Variants in SLC44A5 observed in about 807,000 individuals in gnomAD.
The protein encoded by SLC44A5 is solute carrier family 44 member 5, also known as choline transporter-like protein 5.
A neutral mutation model predicts 101.8 loss-of-function variants in SLC44A5; 57 were observed. The observed-to-expected ratio is 0.56, with a 90% CI of 0.45 to 0.70. The LOEUF is 0.70. Ranked by LOEUF, SLC44A5 falls within the 30% of genes least tolerant of loss-of-function variation. The probability of loss-of-function intolerance (pLI) is 0.00; values close to 1 mark genes in which losing one functional copy is unlikely to be tolerated. For synonymous variants in SLC44A5, 281 were observed against 290.9 expected, an observed-to-expected ratio of 0.97 and a Z score of 0.35; for missense variants, 737 against 853.1, an observed-to-expected ratio of 0.86 and a Z score of 1.70.
At chr1:75,462,375 C>T (rs943933395) in intron 2 of SLC44A5, among the ~76,000 whole-genome samples, 5 of 152,086 alleles carry the variant, frequency 3.3e-5, no homozygotes, top group African/African-American at 9.7e-5. Flanking sequence ...ACAACACTTA[C>T]GTCTTTTAGA....
intron 3 of SLC44A5, among the ~76,000 whole-genome samples, chr1:75,341,543 G>A (rs903674776): frequency 1.3e-5 from 2 of 151,668 alleles, no homozygotes; most frequent in Admixed American, 6.6e-5. Flanking sequence ...AAGAAGGAAC[G>A]AGAGAGAAGA....
At chr1:75,689,040 A>C in the SLC44A5 span, among the ~76,000 whole-genome samples, 1 of 152,108 alleles carries the variant, frequency 6.6e-6, no homozygotes, top group Non-Finnish European at 1.5e-5. Flanking sequence ...ATTCCTTTGC[A>C]CCCTGACTCT....
intron 1 of SLC44A5, among the ~76,000 whole-genome samples, chr1:75,580,350 T>C (rs1487903829): frequency 6.6e-6 from 1 of 152,212 alleles, no homozygotes. Flanking sequence ...CCCATATGAC[T>C]AGCTCTAAAA....
In SLC44A5 at chr1:75,604,106, G is replaced by A. The variant is rs564381571; in HGVS notation, c.-70+6934C>T. Among the ~76,000 whole-genome samples the A allele has an allele frequency of 1.2e-4, 19 of 152,102 alleles. No individual in the cohort carries two copies. In the South Asian group the frequency reaches 3.7e-3, roughly 30 times the overall value. ...TTTCCCAAAGTCAATGTCCAGAATG[G>A]TGTTTCCTATGTTTTCTTCTAAGAT... On this transcript the variant is annotated intron_variant, in intron 1 of 23. Transcript: ENST00000370859.
intron 2 of SLC44A5, among the ~76,000 whole-genome samples, chr1:75,398,092 T>C (rs1200363218): frequency 6.6e-6 from 1 of 152,152 alleles, no homozygotes; most frequent in Non-Finnish European, 1.5e-5. Context: ...ATGAATAAAA[T>C]GTCAAGATAC....
upstream of SLC44A5, among the ~76,000 whole-genome samples, chr1:75,612,847 C>T (rs772363958): frequency 1.8e-4 from 28 of 152,092 alleles, no homozygotes; most frequent in Non-Finnish European, 2.1e-4. Flanking sequence ...TGATTATAAC[C>T]AATGTAACCA....
intron 3 of SLC44A5, among the ~76,000 whole-genome samples, chr1:75,388,479 G>A (rs557546289): frequency 6.6e-6 from 1 of 152,124 alleles, no homozygotes; most frequent in Non-Finnish European, 1.5e-5. Flanking sequence ...CATCACAACA[G>A]GATCAAAACC....
chr1:75,261,872 T>TA (rs147036221), intron 6 of SLC44A5, among the ~76,000 whole-genome samples: 8,761 of 151,934 alleles, frequency 0.058, 293 homozygotes, highest in Middle Eastern at 0.13. Context: ...ATCCATCGCA[T>TA]AACAACCAAT....
At chr1:75,707,583 G>A in the SLC44A5 span, among the ~76,000 whole-genome samples, 4 of 152,102 alleles carry the variant, frequency 2.6e-5, no homozygotes, top group Non-Finnish European at 5.9e-5. Flanking sequence ...GAAGGTTTGC[G>A]TCCTTTCCCT....
chr1:75,266,962 G>C (rs765642116), intron 6 of SLC44A5, among the ~76,000 whole-genome samples: 14 of 152,220 alleles, frequency 9.2e-5, no homozygotes, highest in Non-Finnish European at 1.9e-4. Flanking sequence ...GGCTGCTTCA[G>C]ATGAGATTGT....
chr1:75,214,823 G>C (rs1312791595), intron 19 of SLC44A5, 145 bp from the exon 20 acceptor site: 1 of 614,066 alleles, frequency 1.6e-6, no homozygotes, highest in African/African-American at 1.9e-5. Context: ...GTATTTGTGG[G>C]ACACACTGTG....
rs539968974 is a variant in SLC44A5 at position 75,522,631 on chromosome 1, C to T, written c.13+18804G>A. On this transcript the variant is annotated intron_variant, in intron 2 of 23. Coordinates refer to ENST00000370859, the MANE Select transcript of SLC44A5 (RefSeq NM_001130058.2). The stretch of plus-strand genomic sequence containing the variant: ...TCTGGTCCTCTCCCGACTCTTTAGT[C>T]ATATGCATAATGGCTTAGAACCTGT... 4.0e-4 allele frequency among the ~76,000 whole-genome samples: 61 copies of T among 152,246 alleles called. No individual in the cohort carries two copies. In the South Asian group the frequency reaches 6.2e-3, roughly 16 times the overall value.
chr1:75,376,217 A>G (rs1660587650), intron 3 of SLC44A5, among the ~76,000 whole-genome samples: 1 of 152,196 alleles, frequency 6.6e-6, no homozygotes, highest in Admixed American at 6.5e-5. Flanking sequence ...TTGCTAGCAC[A>G]GCAGTCTGAG....
At chr1:75,477,967 G>A (rs1335102414) in intron 2 of SLC44A5, among the ~76,000 whole-genome samples, 3 of 152,028 alleles carry the variant, frequency 2.0e-5, no homozygotes, top group African/African-American at 7.3e-5. Flanking sequence ...CACCAAAGTT[G>A]AAATGAAGGA....
At chr1:75,602,851 C>T (rs1002469683) in intron 1 of SLC44A5, among the ~76,000 whole-genome samples, 6 of 151,926 alleles carry the variant, frequency 3.9e-5, no homozygotes, top group South Asian at 2.1e-4. Flanking sequence ...TAAACTTGTA[C>T]GTACAAATGT....
At chr1:75,652,213 G>T in the SLC44A5 span, among the ~76,000 whole-genome samples, 1 of 152,148 alleles carries the variant, frequency 6.6e-6, no homozygotes, top group African/African-American at 2.4e-5. Context: ...CCCAAGGGAA[G>T]AATCAGGGAA....
At chr1:75,473,902 A>G (rs1667245667) in intron 2 of SLC44A5, among the ~76,000 whole-genome samples, 1 of 152,204 alleles carries the variant, frequency 6.6e-6, no homozygotes, top group Non-Finnish European at 1.5e-5. Flanking sequence ...TCTTCTAAAT[A>G]TGAGCTCTGT....
At chr1:75,646,253 C>T in the SLC44A5 span, among the ~76,000 whole-genome samples, 4 of 137,630 alleles carry the variant, frequency 2.9e-5, 1 homozygote, top group Non-Finnish European at 4.9e-5. Context: ...ATTGATTCTT[C>T]CTATCCATGA....
chr1:75,516,310 A>C (rs1669827605), intron 2 of SLC44A5, among the ~76,000 whole-genome samples: 1 of 151,994 alleles, frequency 6.6e-6, no homozygotes, highest in African/African-American at 2.4e-5. Context: ...GTCAGGAGAT[A>C]GAGACCATCC....
Sources: allele counts gnomAD v4.1 joint callset (sites outside exome capture counted in the v4.1 genomes callset), GRCh38; gene constraint gnomAD v4.1.1; transcripts MANE v1.5; gene names NCBI Gene and HGNC (gene_info 2026-07-23, HGNC 2026-07-21).